TFG: variants seen among roughly 807,000 people sequenced by gnomAD.
TFG encodes the protein protein TFG.
In TFG, 22 loss-of-function variants were observed where a neutral mutation model predicts 51.4. The observed-to-expected ratio is 0.43, with a 90% CI of 0.31 to 0.61. The LOEUF (loss-of-function observed/expected upper bound fraction) is 0.61. Among genes scored for constraint, TFG ranks in the 20% least tolerant of loss-of-function variants. The pLI is 0.12. For missense variants in TFG, 419 were observed against 487.7 expected (o/e 0.86, Z 1.33); for synonymous variants, 187 against 165.6 (o/e 1.13, Z -0.99).
At chr3:100,715,414 G>A (rs887324223) in intron 2 of TFG, among the ~76,000 whole-genome samples, 40 of 152,354 alleles carry the variant, frequency 2.6e-4, no homozygotes, top group African/African-American at 9.4e-4. Flanking sequence ...TCAGTACCCA[G>A]TTACATGGCT....
chr3:100,711,147 C>T (rs1223799786), intron 1 of TFG: 1 of 151,578 alleles, frequency 6.6e-6, no homozygotes, highest in African/African-American at 2.4e-5. Context: ...GTCGCCCAGG[C>T]TGTAGTGCAG....
intron 3 of TFG, among the ~76,000 whole-genome samples, chr3:100,721,595 T>C (rs1273013900): frequency 1.3e-5 from 2 of 152,150 alleles, no homozygotes; most frequent in Non-Finnish European, 2.9e-5. Context: ...AAACTATCCA[T>C]GTAGTTTGGT....
chr3:100,732,726 T>A, intron 5 of TFG, 54 bp downstream of exon 5: 2 of 1,383,468 alleles, frequency 1.4e-6, no homozygotes, highest in Non-Finnish European at 2.0e-6. Context: ...CTTTCCGTTC[T>A]TCCCTTTCCT....
intron 1 of TFG, among the ~76,000 whole-genome samples, chr3:100,712,520 T>C (rs750743499): frequency 6.6e-6 from 1 of 152,188 alleles, no homozygotes; most frequent in Admixed American, 6.5e-5. Flanking sequence ...GAAGGAGTTA[T>C]GCTTGGAAAA....
At chr3:100,725,877 A>C (rs2095074250) in intron 3 of TFG, among the ~76,000 whole-genome samples, 2 of 152,174 alleles carry the variant, frequency 1.3e-5, no homozygotes, top group South Asian at 4.1e-4. Context: ...ATGGTTCATT[A>C]AAGTCTTATG....
chr3:100,737,961 A>C (rs1346027270), intron 6 of TFG, among the ~76,000 whole-genome samples: 1 of 152,146 alleles, frequency 6.6e-6, no homozygotes, highest in Non-Finnish European at 1.5e-5. Flanking sequence ...TGGGAAGCTG[A>C]AGTGGGAGGA....
At chr3:100,734,470 A>G (rs916366081) in intron 5 of TFG, among the ~76,000 whole-genome samples, 1 of 152,124 alleles carries the variant, frequency 6.6e-6, no homozygotes, top group Admixed American at 6.5e-5. Flanking sequence ...CTGCTTGTCT[A>G]GCCATAAGGT....
rs770053266 is a variant in TFG, at chr3:100,728,834, C to T, written c.391C>T (p.Pro131Ser). The change falls in exon 4 of 8, where the codon CCT becomes TCT. Residue 131 changes from proline to serine, a missense_variant. This residue lies in a region of TFG where 391 missense variants were observed against 434.4 expected (regional missense o/e 0.90). Transcript: ENST00000240851. ...DSLEPPGEPG[P>S]STNIPENDTV... is the part of the protein sequence containing the mutation. Reference sequence around the variant, plus strand: ...CTTGGAACCACCTGGAGAACCAGGACCTTCCACCAATATTCCTGAAAATGG... The same window carrying T: ...CTTGGAACCACCTGGAGAACCAGGATCTTCCACCAATATTCCTGAAAATGG... The T allele has an allele frequency of 3.1e-6, 5 of 1,605,718 alleles. No individual in the cohort carries two copies. The East Asian group carries it at 6.8e-5, about 22-fold the overall frequency.
At chr3:100,713,960 G>T in intron 2 of TFG, 91 bp downstream of exon 2, 1 of 804,202 alleles carries the variant, frequency 1.2e-6, no homozygotes. Context: ...GAGTACAGTG[G>T]TGTGATCATA....
At chr3:100,731,255 G>A (rs976155512) in intron 4 of TFG, among the ~76,000 whole-genome samples, 2 of 152,158 alleles carry the variant, frequency 1.3e-5, no homozygotes, top group Middle Eastern at 3.4e-3. Context: ...TTACTTGTTC[G>A]TGTTTTTTGT....
At chr3:100,736,750 G>T in intron 6 of TFG, 34 bp downstream of exon 6, 1 of 1,600,652 alleles carries the variant, frequency 6.2e-7, no homozygotes. Context: ...GTTTGGGAAA[G>T]TACATGTGTA....
intron 6 of TFG, among the ~76,000 whole-genome samples, chr3:100,738,507 TTTAA>T (rs1359877507): frequency 1.3e-5 from 2 of 152,228 alleles, no homozygotes; most frequent in East Asian, 3.8e-4. Context: ...CTATGAAGTG[TTTAA>T]TTGAGCATTT....
intron 4 of TFG, among the ~76,000 whole-genome samples, chr3:100,730,627 A>C (rs1406606323): frequency 6.6e-6 from 1 of 152,226 alleles, no homozygotes; most frequent in Non-Finnish European, 1.5e-5. Context: ...CCAATCAGCT[A>C]TCAGTGCTAT....
At chr3:100,716,814 A>G (rs1295087472) in intron 2 of TFG, among the ~76,000 whole-genome samples, 4 of 152,000 alleles carry the variant, frequency 2.6e-5, no homozygotes, top group African/African-American at 7.3e-5. Context: ...GCATTTTTTC[A>G]TATATTTATT....
At chr3:100,730,620 A>G (rs1315606400) in intron 4 of TFG, among the ~76,000 whole-genome samples, 1 of 152,238 alleles carries the variant, frequency 6.6e-6, no homozygotes, top group Non-Finnish European at 1.5e-5. Context: ...GAAATTGCCA[A>G]TCAGCTATCA....
chr3:100,745,160 G>C (rs75342836), intron 7 of TFG, among the ~76,000 whole-genome samples: 1 of 141,554 alleles, frequency 7.1e-6, no homozygotes, highest in East Asian at 1.9e-4. Flanking sequence ...TGATTCTGCA[G>C]TAACTTGTAG....
intron 6 of TFG, among the ~76,000 whole-genome samples, chr3:100,737,510 A>T (rs975394636): frequency 6.6e-6 from 1 of 152,352 alleles, no homozygotes; most frequent in South Asian, 2.1e-4. Context: ...TGCCTTCCAG[A>T]TAATGAAGTG....
intron 2 of TFG, among the ~76,000 whole-genome samples, chr3:100,716,027 T>G (rs2095044912): frequency 1.3e-5 from 2 of 152,146 alleles, no homozygotes; most frequent in South Asian, 4.1e-4. Context: ...TCAGGGTAAT[T>G]CGCATATCCA....
intron 2 of TFG, among the ~76,000 whole-genome samples, chr3:100,718,185 C>G (rs953372292): frequency 2.6e-5 from 4 of 152,204 alleles, no homozygotes; most frequent in African/African-American, 9.7e-5. Flanking sequence ...CCTTGGCCTG[C>G]CAAAGTACTG....
Sources: allele counts gnomAD v4.1 joint callset (sites outside exome capture counted in the v4.1 genomes callset), GRCh38; gene constraint gnomAD v4.1.1; regional missense constraint gnomAD v4.1.1; transcripts MANE v1.5; gene names NCBI Gene and HGNC (gene_info 2026-07-23, HGNC 2026-07-21).